The following ZNF831 variants were observed in gnomAD, a reference collection of about 807,000 sequenced individuals.
The protein encoded by ZNF831 is zinc finger protein 831.
In ZNF831, 59 loss-of-function variants were observed where a neutral mutation model predicts 95.8. The observed-to-expected ratio is 0.62, with a 90% CI of 0.50 to 0.77. The LOEUF (loss-of-function observed/expected upper bound fraction) is 0.77. ZNF831 is among the 30% of genes least tolerant of loss of function. The pLI is 0.00. For missense variants in ZNF831, 2,205 were observed against 2,164.0 expected (o/e 1.02, Z -0.38); for synonymous variants, 961 against 925.5 (o/e 1.04, Z -0.70).
intron 1 of ZNF831, among the ~76,000 whole-genome samples, chr20:59,174,368 A>G (rs567674638): frequency 6.6e-6 from 1 of 152,306 alleles, no homozygotes; most frequent in South Asian, 2.1e-4. Flanking sequence ...TGCTCTAGGT[A>G]TTACATTTTA....
chr20:59,159,094 G>A (rs968597330), upstream of ZNF831, among the ~76,000 whole-genome samples: 1 of 151,922 alleles, frequency 6.6e-6, no homozygotes, highest in Non-Finnish European at 1.5e-5. Flanking sequence ...TTATAGCTTG[G>A]GACAAATTAA....
At position 59,192,683 on chromosome 20, in the gene ZNF831, G is replaced by C. The variant is rs2146569720; in HGVS notation, c.1664G>C (p.Ser555Thr). Reference protein sequence around the residue: ...RSGLSSTDVPSGHPRALVRQA... With the variant: ...RSGLSSTDVPTGHPRALVRQA... ...GGACTAAGCTCGACTGACGTTCCCA[G>C]TGGGCATCCCCGGGCCCTGGTCAGA... Residue 555 changes from serine (S) to threonine (T), a missense_variant, in exon 2 of 6, where the codon AGT becomes ACT. By Grantham distance (58) the Ser-to-Thr change is moderately conservative. Coordinates refer to ENST00000371030, the MANE Select transcript of ZNF831 (RefSeq NM_178457.3). This position sits in a 1 kb window ranked among gnomAD's most constrained non-coding sequence, Gnocchi z 5.2. 6.4e-7 allele frequency: 1 copy of C among 1,565,216 alleles called. No individual in the cohort carries two copies. The highest frequency in any genetic ancestry group is 1.2e-5 in the South Asian group (1 of 84,988).
chr20:59,179,178 G>A (rs1982410463), intron 1 of ZNF831, among the ~76,000 whole-genome samples: 2 of 152,152 alleles, frequency 1.3e-5, no homozygotes, highest in African/African-American at 2.4e-5. Flanking sequence ...CCCACTGCCC[G>A]ACCGTGCCTC....
At position 59,214,507 on chromosome 20, in the gene ZNF831, C is replaced by T. The variant is rs547515747; in HGVS notation, c.4027+7451C>T. ...TGTCATCTTGAGTCAGCTGGTGCCA[C>T]TCAGTCAAAGACCGTCCCTTCTAGC... On this transcript the variant is annotated intron_variant, in intron 4 of 5. Coordinates refer to ENST00000371030, the MANE Select transcript of ZNF831 (RefSeq NM_178457.3). Among the ~76,000 whole-genome samples, 19 of 152,346 alleles carry T rather than the reference C, an allele frequency of 1.2e-4. No homozygotes were observed. The South Asian group carries it at 3.9e-3, about 32-fold the overall frequency.
intron 4 of ZNF831, among the ~76,000 whole-genome samples, chr20:59,210,851 A>C: frequency 7.3e-6 from 1 of 136,722 alleles, no homozygotes; most frequent in Non-Finnish European, 1.5e-5. Context: ...GAATAAAACC[A>C]AATCCCCCCG....
At chr20:59,145,813 T>G (rs1979828481) in intron 1 of ZNF831, among the ~76,000 whole-genome samples, 1 of 151,992 alleles carries the variant, frequency 6.6e-6, no homozygotes, top group Non-Finnish European at 1.5e-5. Context: ...TGAGTGGCCG[T>G]GGGAGTGGTA....
Position 59,191,533 on chromosome 20 carries a change from T to C in ZNF831, c.514T>C (p.Phe172Leu). 6.2e-7 allele frequency: 1 copy of C among 1,613,126 alleles called. No homozygotes were observed. The highest frequency in any genetic ancestry group is 8.5e-7 in the Non-Finnish European group (1 of 1,180,000). ...HIRSHTGERPFPCATCGIAFK... is the reference protein window; with the variant it reads ...HIRSHTGERPLPCATCGIAFK... ...CCGGTCCCACACGGGTGAGAGGCCC[T>C]TCCCGTGTGCCACCTGCGGCATCGC... The change falls in exon 2 of 6, where the codon TTC (phenylalanine) becomes CTC (leucine). Residue 172 changes from phenylalanine (F) to leucine (L), a missense_variant. Transcript: ENST00000371030.
intron 3 of ZNF831, among the ~76,000 whole-genome samples, chr20:59,203,115 T>C (rs1022552212): frequency 1.3e-5 from 2 of 152,196 alleles, no homozygotes; most frequent in Admixed American, 6.5e-5. Flanking sequence ...CTTTTTGGTA[T>C]ATCTAAGAAA....
In ZNF831 at chr20:59,254,632, C is replaced by T. The variant is rs769053542; in HGVS notation, c.4923C>T (p.Ala1641=). Residue 1641 remains alanine, a synonymous_variant, in exon 6 of 6, where the codon GCC becomes GCT. Transcript: ENST00000371030. The surrounding 1 kb of genome is among the most constrained non-coding windows in gnomAD (Gnocchi z 4.5). ...KPEQPIEIPE[A]PSKSLKKRSL... Reference sequence around the variant, plus strand: ...AGCAGCCCATAGAAATTCCTGAAGCCCCTTCTAAATCCCTCAAGAAGAGGA... The same window carrying T: ...AGCAGCCCATAGAAATTCCTGAAGCTCCTTCTAAATCCCTCAAGAAGAGGA... 32 of 1,614,024 alleles carry T rather than the reference C, an allele frequency of 2.0e-5. No individual in the cohort carries two copies. In the South Asian group the frequency reaches 3.2e-4, roughly 16 times the overall value.
chr20:59,204,086 G>A (rs780716240), intron 3 of ZNF831, among the ~76,000 whole-genome samples: 8 of 152,190 alleles, frequency 5.3e-5, no homozygotes, highest in Non-Finnish European at 1.0e-4. Context: ...GGAAATGAGC[G>A]AGGAGAAGAT....
chr20:59,155,789 G>A (rs753591960), intron 2 of ZNF831, among the ~76,000 whole-genome samples: 1 of 152,186 alleles, frequency 6.6e-6, no homozygotes, highest in Non-Finnish European at 1.5e-5. Flanking sequence ...TAAGAGATGG[G>A]TTGGAGACCC....
chr20:59,202,637 T>C (rs937417050), intron 3 of ZNF831, among the ~76,000 whole-genome samples: 1 of 152,182 alleles, frequency 6.6e-6, no homozygotes, highest in Non-Finnish European at 1.5e-5. Context: ...TTCACCCACA[T>C]ACTGAGAGTA....
intron 1 of ZNF831, among the ~76,000 whole-genome samples, chr20:59,140,828 T>C (rs1047023934): frequency 7.9e-5 from 12 of 152,242 alleles, no homozygotes; most frequent in Non-Finnish European, 1.8e-4. Flanking sequence ...TTCTTTATAA[T>C]ATTCTGTCTG....
intron 1 of ZNF831, among the ~76,000 whole-genome samples, chr20:59,143,355 A>G (rs764650554): frequency 6.6e-6 from 1 of 152,208 alleles, no homozygotes; most frequent in African/African-American, 2.4e-5. Context: ...TGATACCCAG[A>G]GGTAGCTGAT....
chr20:59,184,107 C>G (rs536839645), intron 1 of ZNF831, among the ~76,000 whole-genome samples: 8 of 152,278 alleles, frequency 5.3e-5, no homozygotes, highest in African/African-American at 1.9e-4. Flanking sequence ...GAAGGTCATA[C>G]AGTTGGAACC....
At chr20:59,137,292 T>G (rs1601291331) in intron 1 of ZNF831, among the ~76,000 whole-genome samples, 1 of 137,996 alleles carries the variant, frequency 7.2e-6, no homozygotes, top group East Asian at 2.1e-4. Flanking sequence ...TTTTTTTTTT[T>G]TGTGATCAAT....
At position 59,194,709 on chromosome 20, in the gene ZNF831, A is replaced by G. The variant is rs61743778; in HGVS notation, c.3690A>G (p.Gly1230=). 6 of 1,603,496 alleles carry G rather than the reference A, an allele frequency of 3.7e-6. No homozygotes were observed. Among genetic ancestry groups the G allele is most frequent in the Non-Finnish European group, 4.3e-6 (5 of 1,175,120 alleles). The change falls in exon 2 of 6, where the codon GGA becomes GGG. Residue 1230 remains glycine, a synonymous_variant. Transcript: ENST00000371030. ...GPNGPPGSNG[G]WTWTSPGEGG... ...ATGGCCCTCCTGGGAGCAATGGAGGATGGACCTGGACAAGCCCTGGAGAAG... is the reference window on the plus strand; with the variant it reads ...ATGGCCCTCCTGGGAGCAATGGAGGGTGGACCTGGACAAGCCCTGGAGAAG...
chr20:59,244,726 C>T (rs944378721), intron 4 of ZNF831, among the ~76,000 whole-genome samples: 1 of 152,152 alleles, frequency 6.6e-6, no homozygotes, highest in African/African-American at 2.4e-5. Flanking sequence ...AAGGCTCATA[C>T]CAGATGTAGT....
Position 59,216,510 on chromosome 20 carries a change from C to T in ZNF831, c.4027+9454C>T, listed in dbSNP as rs79220367. On this transcript the variant is annotated intron_variant, in intron 4 of 5. Coordinates refer to ENST00000371030, the MANE Select transcript of ZNF831 (RefSeq NM_178457.3). Reference sequence around the variant, plus strand: ...TCGGCTCACTGCAACCTCTGGCTCCCGGAAACCCTGCATTTCTAAGATTCT... The same window carrying T: ...TCGGCTCACTGCAACCTCTGGCTCCTGGAAACCCTGCATTTCTAAGATTCT... Among the ~76,000 whole-genome samples, 1,242 of 152,282 alleles carry T rather than the reference C, an allele frequency of 8.2e-3. 14 individuals are homozygous for T. Among genetic ancestry groups the T allele is most frequent in the African/African-American group, 0.029 (1,188 of 41,542 alleles).
Sources: gnomAD v4.1 joint callset for allele counts (sites outside exome capture counted in the v4.1 genomes callset) on GRCh38, gnomAD v4.1.1 for gene constraint, Gnocchi (gnomAD v3.1) non-coding constraint, MANE v1.5 for transcripts, NCBI Gene and HGNC (gene_info 2026-07-23, HGNC 2026-07-21) for gene names.